TMEFF2: variants seen among roughly 807,000 people sequenced by gnomAD.
TMEFF2 encodes transmembrane protein with EGF like and two follistatin like domains 2.
In TMEFF2, 28 loss-of-function variants were observed where a neutral mutation model predicts 53.8. That is an observed-to-expected ratio of 0.52 (90% confidence interval 0.39 to 0.71). TMEFF2 has a LOEUF of 0.71. Ranked by LOEUF, TMEFF2 falls within the 30% of genes least tolerant of loss-of-function variation. TMEFF2 has a pLI of 0.00. For missense variants in TMEFF2, 353 were observed against 455.2 expected (o/e 0.78, Z 2.04); for synonymous variants, 162 against 166.3 (o/e 0.97, Z 0.20).
chr2:192,171,817 C>T (rs1204867810), intron 4 of TMEFF2, among the ~76,000 whole-genome samples: 1 of 152,024 alleles, frequency 6.6e-6, no homozygotes, highest in African/African-American at 2.4e-5. Flanking sequence ...GCATCACACT[C>T]ATTACCATAT....
intron 7 of TMEFF2, among the ~76,000 whole-genome samples, chr2:191,979,741 G>T (rs115869482): frequency 5.3e-5 from 8 of 150,766 alleles, no homozygotes; most frequent in Non-Finnish European, 1.2e-4. Context: ...TTTTTTAAAT[G>T]CCCAGTAGAG....
At chr2:192,171,556 T>G (rs1559156223) in intron 4 of TMEFF2, among the ~76,000 whole-genome samples, 1 of 151,962 alleles carries the variant, frequency 6.6e-6, no homozygotes, top group Non-Finnish European at 1.5e-5. Context: ...ACTCCCACTC[T>G]TTTTCCACAT....
chr2:192,138,874 T>A (rs533170350), intron 4 of TMEFF2, among the ~76,000 whole-genome samples: 134 of 152,308 alleles, frequency 8.8e-4, no homozygotes, highest in African/African-American at 3.0e-3. Context: ...GGTAATTCCA[T>A]TGAAAAACAA....
At chr2:191,971,962 G>C (rs1317331250) in intron 7 of TMEFF2, among the ~76,000 whole-genome samples, 1 of 152,144 alleles carries the variant, frequency 6.6e-6, no homozygotes, top group African/African-American at 2.4e-5. Flanking sequence ...AGCCCCGGAA[G>C]AGCTTCTGAC....
At chr2:192,121,686 C>T (rs757953688) in intron 4 of TMEFF2, among the ~76,000 whole-genome samples, 1 of 152,138 alleles carries the variant, frequency 6.6e-6, no homozygotes, top group Non-Finnish European at 1.5e-5. Context: ...GATTCCACAC[C>T]ACACTAAGGG....
chr2:191,981,992 G>C (rs182821719), intron 7 of TMEFF2, among the ~76,000 whole-genome samples: 70 of 152,260 alleles, frequency 4.6e-4, no homozygotes, highest in Non-Finnish European at 8.2e-4. Flanking sequence ...TTAAACTCAA[G>C]TCACTTGATA....
intron 4 of TMEFF2, among the ~76,000 whole-genome samples, chr2:192,162,507 C>T (rs574556061): frequency 2.0e-5 from 3 of 152,242 alleles, no homozygotes; most frequent in East Asian, 1.9e-4. Flanking sequence ...AACTTCTATT[C>T]CAACTCATAA....
chr2:192,041,819 C>T (rs143015249), intron 5 of TMEFF2, among the ~76,000 whole-genome samples: 15 of 152,172 alleles, frequency 9.9e-5, no homozygotes, highest in Middle Eastern at 3.4e-3. Flanking sequence ...GGGGGATCAG[C>T]GGGTCAGTAA....
At chr2:192,015,199 T>A (rs1416318778) in intron 5 of TMEFF2, among the ~76,000 whole-genome samples, 3 of 152,002 alleles carry the variant, frequency 2.0e-5, no homozygotes, top group African/African-American at 7.2e-5. Flanking sequence ...AAACAAAGAT[T>A]TATAAAAATT....
At chr2:192,135,874 CT>C (rs536938401) in intron 4 of TMEFF2, among the ~76,000 whole-genome samples, 99 of 151,988 alleles carry the variant, frequency 6.5e-4, no homozygotes, top group Non-Finnish European at 1.3e-3. Context: ...TTTCCTTCTC[CT>C]GGCTCAGAAG....
At chr2:191,959,568 G>T (rs190638452) in intron 7 of TMEFF2, among the ~76,000 whole-genome samples, 1 of 152,314 alleles carries the variant, frequency 6.6e-6, no homozygotes, top group Admixed American at 6.5e-5. Flanking sequence ...TGGGTAGAAA[G>T]GGGGCAAAGC....
intron 5 of TMEFF2, among the ~76,000 whole-genome samples, chr2:192,015,732 A>G (rs1369484398): frequency 2.6e-5 from 4 of 152,164 alleles, no homozygotes; most frequent in African/African-American, 9.6e-5. Flanking sequence ...GAGAAAATAC[A>G]TGTGATTTTA....
chr2:192,062,626 A>C (rs951584895), intron 4 of TMEFF2, among the ~76,000 whole-genome samples: 1 of 152,094 alleles, frequency 6.6e-6, no homozygotes, highest in African/African-American at 2.4e-5. Flanking sequence ...TTTTGGGTAC[A>C]AATCTGTTGT....
chr2:192,013,737 C>T (rs989566308), intron 5 of TMEFF2, among the ~76,000 whole-genome samples: 3 of 152,206 alleles, frequency 2.0e-5, no homozygotes, highest in Non-Finnish European at 2.9e-5. Flanking sequence ...AGGCATGAAC[C>T]ACTGCACCTG....
intron 5 of TMEFF2, among the ~76,000 whole-genome samples, chr2:192,045,462 G>A (rs759427582): frequency 9.9e-5 from 15 of 152,200 alleles, no homozygotes; most frequent in African/African-American, 3.6e-4. Flanking sequence ...GAAGATATTT[G>A]TGTCCCATGT....
chr2:192,101,117 T>C (rs1042373609), intron 4 of TMEFF2, among the ~76,000 whole-genome samples: 6 of 152,144 alleles, frequency 3.9e-5, no homozygotes, highest in African/African-American at 1.4e-4. Context: ...ATGTTAAGTA[T>C]ACCATGAAAA....
At chr2:192,026,682 T>G (rs997985256) in intron 5 of TMEFF2, among the ~76,000 whole-genome samples, 9 of 152,236 alleles carry the variant, frequency 5.9e-5, no homozygotes, top group Non-Finnish European at 7.3e-5. Flanking sequence ...GGCACACTGA[T>G]GCATTCTGTA....
chr2:192,084,441 C>T (rs1302686808), intron 4 of TMEFF2, among the ~76,000 whole-genome samples: 1 of 151,574 alleles, frequency 6.6e-6, no homozygotes, highest in Non-Finnish European at 1.5e-5. Context: ...AATAGTTAAC[C>T]TAAGCATCCA....
chr2:192,080,143 C>A (rs1688518812), intron 4 of TMEFF2, among the ~76,000 whole-genome samples: 1 of 152,168 alleles, frequency 6.6e-6, no homozygotes, highest in South Asian at 2.1e-4. Context: ...TAGGCTTACT[C>A]CAGTTAGTCA....
Sources: gnomAD v4.1 joint callset for allele counts (sites outside exome capture counted in the v4.1 genomes callset) on GRCh38, gnomAD v4.1.1 for gene constraint, MANE v1.5 for transcripts, NCBI Gene and HGNC (gene_info 2026-07-23, HGNC 2026-07-21) for gene names.